Variants in TTLL11 observed in about 807,000 individuals in gnomAD.
TTLL11 encodes the protein tubulin tyrosine ligase like 11, also known as tubulin polyglutamylase TTLL11.
In TTLL11, 42 loss-of-function variants were observed where a neutral mutation model predicts 51.7. The observed-to-expected ratio is 0.81, with a 90% CI of 0.64 to 1.05. The LOEUF (loss-of-function observed/expected upper bound fraction) is 1.05, where lower values mean the gene tolerates loss of function less well. Ranked by LOEUF, TTLL11 falls within the 50% of genes least tolerant of loss-of-function variation. The pLI is 0.00. For synonymous variants in TTLL11, 381 were observed against 383.5 expected (o/e 0.99, Z 0.08); for missense variants, 799 against 940.4 (o/e 0.85, Z 1.97).
intron 6 of TTLL11, among the ~76,000 whole-genome samples, chr9:121,908,680 G>T (rs1840020669): frequency 6.6e-6 from 1 of 152,186 alleles, no homozygotes; most frequent in South Asian, 2.1e-4. Context: ...TCTATTATGA[G>T]AACAGACATG....
chr9:122,037,159 G>T (rs1179426021), intron 2 of TTLL11, among the ~76,000 whole-genome samples: 1 of 152,012 alleles, frequency 6.6e-6, no homozygotes, highest in African/African-American at 2.4e-5. Context: ...TGTAAATGAG[G>T]CCTCATTTGA....
intron 3 of TTLL11, among the ~76,000 whole-genome samples, chr9:122,030,647 C>T (rs751352288): frequency 9.2e-5 from 14 of 152,062 alleles, no homozygotes; most frequent in East Asian, 3.9e-4. Flanking sequence ...GTGGGCTGGG[C>T]GTGGTGGCTC....
chr9:121,834,785 C>A (rs1837137414), intron 8 of TTLL11, among the ~76,000 whole-genome samples: 1 of 151,570 alleles, frequency 6.6e-6, no homozygotes, highest in African/African-American at 2.4e-5. Context: ...TGAGATTGTG[C>A]CACTGCACTC....
In TTLL11 at chr9:121,933,644, T is replaced by C. The variant is rs1309784806; in HGVS notation, c.1481+40365A>G. ...CAATAATAAATCCATTATGTGTTAA[T>C]GCAAATAATGTATTTCTGTGGGAAA... On this transcript the variant is annotated intron_variant, in intron 6 of 8. Transcript: ENST00000321582. Among the ~76,000 whole-genome samples, 16 of 152,210 alleles carry C rather than the reference T, an allele frequency of 1.1e-4. 1 individual carries two copies. The highest frequency in any genetic ancestry group is 5.9e-5 in the Non-Finnish European group (4 of 68,032).
chr9:121,970,851 A>T (rs1351025405), intron 6 of TTLL11, among the ~76,000 whole-genome samples: 3 of 152,272 alleles, frequency 2.0e-5, no homozygotes, highest in Non-Finnish European at 4.4e-5. Flanking sequence ...ATTACTGGGT[A>T]TATACCCAAA....
chr9:122,086,245 G>A (rs1846120267), intron 1 of TTLL11, among the ~76,000 whole-genome samples: 1 of 152,224 alleles, frequency 6.6e-6, no homozygotes, highest in South Asian at 2.1e-4. Flanking sequence ...TGTTTAAGGA[G>A]TTGGTGTGGA....
At chr9:121,837,567 A>G (rs1783758210) in intron 8 of TTLL11, among the ~76,000 whole-genome samples, 2 of 152,108 alleles carry the variant, frequency 1.3e-5, no homozygotes, top group African/African-American at 4.8e-5. Context: ...GTCGGTCCTG[A>G]TTAATGCTCC....
At position 122,092,929 on chromosome 9, in the gene TTLL11, C is replaced by A. The variant is rs1846305530; in HGVS notation, c.220G>T (p.Glu74Ter). The change falls in exon 1 of 9, where the codon GAG becomes TAG. Residue 74 changes from glutamate (E) to a stop codon, truncating the protein, a stop_gained. Transcript: ENST00000321582. LOFTEE classifies it high-confidence loss of function. ...TGAAGGACCTGGGTGTTCCCCTCCT[C>A]AGCCGCACTGGGCTGCGCCGGGGCC... ...APAPAQPSAAEEGNTQVLQRP... is the reference protein window; with the variant it reads ...APAPAQPSAA 1.3e-6 allele frequency: 2 copies of A among 1,581,982 alleles called. No homozygotes were observed. Among genetic ancestry groups the A allele is most frequent in the Admixed American group, 1.7e-5 (1 of 57,676 alleles).
intron 6 of TTLL11, among the ~76,000 whole-genome samples, chr9:121,962,859 C>T (rs1842279780): frequency 1.3e-5 from 2 of 152,222 alleles, no homozygotes; most frequent in South Asian, 2.1e-4. Context: ...TTGGGTTCTG[C>T]GCTTGGCCCT....
At chr9:121,866,235 G>A (rs888386379) in intron 7 of TTLL11, among the ~76,000 whole-genome samples, 3 of 152,172 alleles carry the variant, frequency 2.0e-5, no homozygotes, top group Non-Finnish European at 4.4e-5. Context: ...GAGAGAGAAG[G>A]GTTGTTAGCA....
chr9:122,087,241 A>G (rs2131937430), intron 1 of TTLL11, among the ~76,000 whole-genome samples: 1 of 151,626 alleles, frequency 6.6e-6, no homozygotes, highest in South Asian at 2.1e-4. Context: ...ACAGAGTCTC[A>G]CTCTGTTATC....
At chr9:122,005,137 C>T (rs1008088926) in intron 3 of TTLL11, among the ~76,000 whole-genome samples, 1 of 152,136 alleles carries the variant, frequency 6.6e-6, no homozygotes, top group Non-Finnish European at 1.5e-5. Context: ...TGACAAAGTA[C>T]CTTGAGAAAT....
intron 6 of TTLL11, among the ~76,000 whole-genome samples, chr9:121,877,050 G>A (rs907073253): frequency 1.3e-5 from 2 of 152,188 alleles, no homozygotes; most frequent in Non-Finnish European, 2.9e-5. Flanking sequence ...GAACACCCTG[G>A]ATCACGTTCC....
At chr9:121,981,088 T>C (rs977921332) in intron 4 of TTLL11, among the ~76,000 whole-genome samples, 5 of 152,108 alleles carry the variant, frequency 3.3e-5, no homozygotes, top group Admixed American at 2.0e-4. Context: ...TGTGGGTTTA[T>C]AGTTTTTTTT....
chr9:122,051,921 C>A (rs1845171995), intron 1 of TTLL11, among the ~76,000 whole-genome samples: 1 of 151,934 alleles, frequency 6.6e-6, no homozygotes, highest in African/African-American at 2.4e-5. Flanking sequence ...GAACCCAAAA[C>A]AATAAAAATC....
At chr9:121,973,311 T>C (rs1317309276) in intron 6 of TTLL11, among the ~76,000 whole-genome samples, 1 of 152,194 alleles carries the variant, frequency 6.6e-6, no homozygotes, top group Non-Finnish European at 1.5e-5. Flanking sequence ...AAGTTTATAC[T>C]GCAAGAGTGT....
intron 6 of TTLL11, among the ~76,000 whole-genome samples, chr9:121,925,868 G>A (rs1465995286): frequency 1.3e-5 from 2 of 152,216 alleles, no homozygotes; most frequent in Non-Finnish European, 2.9e-5. Context: ...ATTCAGGGGT[G>A]AGAGCCTGGC....
intron 3 of TTLL11, among the ~76,000 whole-genome samples, chr9:122,003,465 C>CACCGCCTGCCCAGT (rs1843543489): frequency 1.4e-5 from 2 of 147,864 alleles, no homozygotes; most frequent in Non-Finnish European, 3.0e-5. Flanking sequence ...CAACTTTAAT[C>CACCGCCTGCCCAGT]GAAATATGCA....
chr9:121,900,441 G>C (rs529526834), intron 6 of TTLL11, among the ~76,000 whole-genome samples: 1 of 152,266 alleles, frequency 6.6e-6, no homozygotes, highest in South Asian at 2.1e-4. Flanking sequence ...TTATTTAGCA[G>C]TTTCACAGTA....
Sources: gnomAD v4.1 joint callset for allele counts (sites outside exome capture counted in the v4.1 genomes callset) on GRCh38, gnomAD v4.1.1 for gene constraint, MANE v1.5 for transcripts, NCBI Gene and HGNC (gene_info 2026-07-23, HGNC 2026-07-21) for gene names.